The following RPS6KA3 variants were observed in gnomAD, a reference collection of about 807,000 sequenced individuals.
RPS6KA3 encodes ribosomal protein S6 kinase A3.
RPS6KA3 carries 4 observed loss-of-function variants against 67.2 expected under a neutral mutation model. The ratio of observed to expected loss-of-function variants is 0.06; its 90% CI spans 0.03 to 0.14. The LOEUF (loss-of-function observed/expected upper bound fraction) is 0.14. RPS6KA3 is among the 10% of genes least tolerant of loss of function. RPS6KA3 has a pLI of 1.00. For missense variants in RPS6KA3, 204 were observed against 559.0 expected (o/e 0.36, Z 6.40); for synonymous variants, 182 against 183.7 (o/e 0.99, Z 0.07).
At chrX:20,166,346 T>A (rs2067435709) in intron 17 of RPS6KA3, among the ~76,000 whole-genome samples, 1 of 111,785 alleles carries the variant, frequency 8.9e-6, no homozygotes, top group Non-Finnish European at 1.9e-5. Context: ...AAGACTTTGA[T>A]GACTGCAAGG....
At chrX:20,219,692 C>A (rs1400730233) in intron 2 of RPS6KA3, among the ~76,000 whole-genome samples, 1 of 111,545 alleles carries the variant, frequency 9.0e-6, no homozygotes, top group Non-Finnish European at 1.9e-5. Context: ...ACCATATAAT[C>A]CCTTACTCCA....
Position 20,185,486 on chromosome X carries a change from T to C in RPS6KA3, c.845+810A>G, listed in dbSNP as rs760156705. On this transcript the variant is annotated intron_variant, in intron 10 of 21. Coordinates refer to ENST00000379565, the MANE Select transcript of RPS6KA3 (RefSeq NM_004586.3). Reference sequence around the variant, plus strand: ...CTCCTGGGCTCAAATGATTCTCCTGTCTTAGCCCCCATCTGCCACCCCACA... The same window carrying C: ...CTCCTGGGCTCAAATGATTCTCCTGCCTTAGCCCCCATCTGCCACCCCACA... Among the ~76,000 whole-genome samples, 7 of 110,912 alleles carry C rather than the reference T, an allele frequency of 6.3e-5. No homozygotes were observed. In the East Asian group the frequency reaches 2.0e-3, roughly 31 times the overall value.
rs1429729011 is a variant in RPS6KA3 at position 20,150,652 on chromosome X, T to C, written c.*4746A>G. ...AAAACTCATTATACAGTTCATTCAG[T>C]ACTATGGTGATAACAGGAGTAAAGA... On this transcript the variant is annotated 3_prime_UTR_variant, in exon 22 of 22. Transcript: ENST00000379565. The C allele has an allele frequency of 1.8e-5, 2 of 112,706 alleles. No individual in the cohort carries two copies. The highest frequency in any genetic ancestry group is 3.8e-5 in the Non-Finnish European group (2 of 53,251). The allele number at this position is 112,706 out of a possible 1,213,427, so 9.3% of individuals were successfully genotyped here.
chrX:20,164,385 TG>T (rs780051058), intron 18 of RPS6KA3, among the ~76,000 whole-genome samples: 2 of 104,315 alleles, frequency 1.9e-5, no homozygotes, highest in East Asian at 6.0e-4. Context: ...ACTGAAGGGT[TG>T]TTTTTTTTTT....
chrX:20,196,365 A>T (rs1342476651), intron 4 of RPS6KA3, among the ~76,000 whole-genome samples: 1 of 113,064 alleles, frequency 8.8e-6, no homozygotes, highest in Non-Finnish European at 1.9e-5. Context: ...TGTGCAATGC[A>T]CTAGGGATAT....
chrX:20,191,116 C>T (rs1355127213), intron 7 of RPS6KA3, among the ~76,000 whole-genome samples: 1 of 110,976 alleles, frequency 9.0e-6, no homozygotes. Flanking sequence ...TGAGAACATG[C>T]AGTGTTTGAT....
Position 20,193,495 on chromosome X carries a change from T to C in RPS6KA3, c.585A>G (p.Lys195=). The part of the protein sequence containing the change: ...HSLGIIYRDL[K]PENILLDEEG... ...GTAGCATGATTCCTTACTTTTCTGG[T>C]TTTAAGTCTCTATAAATTATTCCCA... Residue 195 remains lysine, a synonymous_variant, in exon 7 of 22, where the codon AAA becomes AAG. Coordinates refer to ENST00000379565, the MANE Select transcript of RPS6KA3 (RefSeq NM_004586.3). 1 of 1,128,048 alleles carries C rather than the reference T, an allele frequency of 8.9e-7. No individual in the cohort carries two copies. Among genetic ancestry groups the C allele is most frequent in the Non-Finnish European group, 1.2e-6 (1 of 819,789 alleles). The allele number at this position is 1,128,048 out of a possible 1,213,427, so 93.0% of individuals were successfully genotyped here.
chrX:20,175,200 T>A lies in RPS6KA3; in HGVS notation c.1191A>T (p.Gln397His). The A allele has an allele frequency of 8.3e-7, 1 of 1,207,374 alleles. No homozygotes were observed. The highest frequency in any genetic ancestry group is 3.0e-5 in the East Asian group (1 of 33,844). The change falls in exon 14 of 22, where the codon CAA (glutamine) becomes CAT (histidine). Residue 397 changes from glutamine to histidine, a missense_variant. By Grantham distance (24) the Gln-to-His change is conservative. This residue lies in a region of RPS6KA3 where 24 missense variants were observed against 25.1 expected (regional missense o/e 0.96). Transcript: ENST00000379565. Reference sequence around the variant, plus strand: ...AATGTACACCAACTGTCTGCATAGCTTGGCTTTCATCATCTGAGGTAATAG... The same window carrying A: ...AATGTACACCAACTGTCTGCATAGCATGGCTTTCATCATCTGAGGTAATAG... Reference protein sequence around the residue: ...FVAITSDDESQAMQTVGVHSI... With the variant: ...FVAITSDDESHAMQTVGVHSI...
chrX:20,239,304 C>G (rs1419994802), intron 1 of RPS6KA3, among the ~76,000 whole-genome samples: 2 of 111,186 alleles, frequency 1.8e-5, no homozygotes, highest in Middle Eastern at 4.6e-3. Context: ...CATTACATTT[C>G]TATAGGTAAC....
At chrX:20,173,627 AT>A (rs2067626102) in intron 14 of RPS6KA3, among the ~76,000 whole-genome samples, 1 of 112,435 alleles carries the variant, frequency 8.9e-6, no homozygotes, top group South Asian at 3.7e-4. Context: ...TAAAACTTGA[AT>A]TTTGTAGGAT....
At chrX:20,224,858 C>T (rs1345321966) in intron 2 of RPS6KA3, among the ~76,000 whole-genome samples, 1 of 111,362 alleles carries the variant, frequency 9.0e-6, no homozygotes, top group Non-Finnish European at 1.9e-5. Context: ...GCACCATAGC[C>T]CCAGGTCTGA....
intron 2 of RPS6KA3, among the ~76,000 whole-genome samples, chrX:20,216,762 C>T (rs2068864385): frequency 9.0e-6 from 1 of 110,750 alleles, no homozygotes; most frequent in African/African-American, 3.3e-5. Flanking sequence ...GAGTTTAAAT[C>T]AGAGAGTATG....
rs769566676 is a variant in RPS6KA3 at position 20,193,706 on chromosome X, C to T, written c.487-113G>A. 7.5e-5 allele frequency: 35 copies of T among 468,961 alleles called. No individual in the cohort carries two copies. The East Asian group carries it at 1.2e-3, about 16-fold the overall frequency. 38.6% of individuals were successfully genotyped at this position (468,961 alleles called of 1,213,427 possible). On this transcript the variant is annotated intron_variant, in intron 6 of 21. Coordinates refer to ENST00000379565, the MANE Select transcript of RPS6KA3 (RefSeq NM_004586.3). ...AAATTTTATAAATATGATAATTATACATAGCTTTGTTTACAATTTATTCGT... is the reference window on the plus strand; with the variant it reads ...AAATTTTATAAATATGATAATTATATATAGCTTTGTTTACAATTTATTCGT...
At chrX:20,183,124 T>G (rs1169039134) in intron 10 of RPS6KA3, among the ~76,000 whole-genome samples, 1 of 111,663 alleles carries the variant, frequency 9.0e-6, no homozygotes, top group Admixed American at 9.6e-5. Context: ...TGGCTTTTTC[T>G]TATTGATTGG....
chrX:20,259,669 T>C (rs2070170862), intron 1 of RPS6KA3, among the ~76,000 whole-genome samples: 1 of 111,589 alleles, frequency 9.0e-6, no homozygotes, highest in Non-Finnish European at 1.9e-5. Flanking sequence ...CCACTGAGAC[T>C]TCAATAGATG....
intron 4 of RPS6KA3, among the ~76,000 whole-genome samples, chrX:20,201,945 T>C (rs1164173614): frequency 1.8e-5 from 2 of 110,140 alleles, no homozygotes; most frequent in Non-Finnish European, 3.8e-5. Context: ...ATGGTGTTAT[T>C]TTCCAGCTTG....
At chrX:20,208,535 G>T (rs1364948174) in intron 3 of RPS6KA3, among the ~76,000 whole-genome samples, 1 of 110,410 alleles carries the variant, frequency 9.1e-6, no homozygotes, top group Non-Finnish European at 1.9e-5. Context: ...TGAGAAACAT[G>T]GCGAAACCCC....
At chrX:20,176,174 G>A (rs138123036) in intron 13 of RPS6KA3, 76 bp downstream of exon 13, 1 of 727,713 alleles carries the variant, frequency 1.4e-6, no homozygotes, top group Non-Finnish European at 2.2e-6. Context: ...CCCAGAGTCT[G>A]GAAAAGATTT....
Position 20,150,097 on chromosome X carries a change from A to G in RPS6KA3, c.*5301T>C, listed in dbSNP as rs1467134932. 1 of 113,357 alleles carries G rather than the reference A, an allele frequency of 8.8e-6. No homozygotes were observed. Among genetic ancestry groups the G allele is most frequent in the African/African-American group, 3.2e-5 (1 of 31,229 alleles). 9.3% of individuals were successfully genotyped at this position (113,357 alleles called of 1,213,427 possible). A position where few individuals can be genotyped will look rare whatever the true frequency, so the allele number is the denominator to read the frequency against. ...ATTAGACTCTTAAGTAAAACAATTTAAAGTATTTAGTGATATTTGATCCTT... is the reference window on the plus strand; with the variant it reads ...ATTAGACTCTTAAGTAAAACAATTTGAAGTATTTAGTGATATTTGATCCTT... On this transcript the variant is annotated 3_prime_UTR_variant, in exon 22 of 22. Coordinates refer to ENST00000379565, the MANE Select transcript of RPS6KA3 (RefSeq NM_004586.3).
Sources: allele counts gnomAD v4.1 joint callset (sites outside exome capture counted in the v4.1 genomes callset), GRCh38; gene constraint gnomAD v4.1.1; regional missense constraint gnomAD v4.1.1; transcripts MANE v1.5; gene names NCBI Gene and HGNC (gene_info 2026-07-23, HGNC 2026-07-21).